SOX5: variants seen among roughly 807,000 people sequenced by gnomAD.
SOX5 encodes SRY-box transcription factor 5, also known as transcription factor SOX-5.
In SOX5, 9 loss-of-function variants were observed where a neutral mutation model predicts 92.0. The observed-to-expected ratio is 0.10, with a 90% CI of 0.06 to 0.17. SOX5 has a LOEUF of 0.17. Among genes scored for constraint, SOX5 ranks in the 10% least tolerant of loss-of-function variants. SOX5 has a pLI of 1.00. For missense variants in SOX5, 642 were observed against 944.5 expected, an observed-to-expected ratio of 0.68 and a Z score of 4.20; for synonymous variants, 344 against 336.3, an observed-to-expected ratio of 1.02 and a Z score of -0.25.
At chr12:24,389,911 C>T (rs1296618973) in intron 1 of SOX5, among the ~76,000 whole-genome samples, 2 of 152,124 alleles carry the variant, frequency 1.3e-5, no homozygotes, top group Non-Finnish European at 2.9e-5. Flanking sequence ...TTTATTGTAG[C>T]TATCCTAGTG....
At chr12:23,894,628 A>T (rs1333415010) in intron 2 of SOX5, among the ~76,000 whole-genome samples, 6 of 152,344 alleles carry the variant, frequency 3.9e-5, no homozygotes, top group Middle Eastern at 3.4e-3. Flanking sequence ...TAAATCTAAT[A>T]TGAAAATCAA....
chr12:24,091,109 C>A lies in SOX5; in HGVS notation c.-2+122234G>T, dbSNP rs534720826. On this transcript the variant is annotated intron_variant, in intron 4 of 4. Transcript: ENST00000446891. ...TTCTATGTTCGCCAATTCAAAAAAA[C>A]AAACTTGTTTTCTGACATTGCCTGA... Among the ~76,000 whole-genome samples, 45 of 152,276 alleles carry A rather than the reference C, an allele frequency of 3.0e-4. No individual in the cohort carries two copies. In the South Asian group the frequency reaches 5.0e-3, roughly 17 times the overall value.
chr12:24,539,341 AT>A (rs1470828485), intron 1 of SOX5, among the ~76,000 whole-genome samples: 1 of 152,172 alleles, frequency 6.6e-6, no homozygotes, highest in African/African-American at 2.4e-5. Context: ...AATAATTACT[AT>A]AAACACAAAT....
At chr12:23,840,626 C>T (rs1344151844) in intron 3 of SOX5, among the ~76,000 whole-genome samples, 2 of 151,978 alleles carry the variant, frequency 1.3e-5, no homozygotes, top group South Asian at 2.1e-4. Context: ...ACTGGCAAGA[C>T]GATAGACCAA....
intron 3 of SOX5, among the ~76,000 whole-genome samples, chr12:23,764,185 T>C (rs1305827308): frequency 5.9e-5 from 9 of 152,096 alleles, no homozygotes; most frequent in African/African-American, 9.6e-5. Flanking sequence ...AGTCAACTTA[T>C]AAAAATTAAA....
At chr12:24,484,516 C>T (rs1436267866) in intron 1 of SOX5, among the ~76,000 whole-genome samples, 1 of 152,088 alleles carries the variant, frequency 6.6e-6, no homozygotes, top group African/African-American at 2.4e-5. Flanking sequence ...CACCTTCAGA[C>T]CTTTGGACTA....
intron 9 of SOX5, among the ~76,000 whole-genome samples, chr12:23,587,867 C>T (rs1950965940): frequency 6.6e-6 from 1 of 152,038 alleles, no homozygotes; most frequent in African/African-American, 2.4e-5. Flanking sequence ...CTTTAGCCCA[C>T]TTACTGGCTC....
chr12:24,412,514 C>A (rs1045955503), intron 1 of SOX5, among the ~76,000 whole-genome samples: 1 of 151,788 alleles, frequency 6.6e-6, no homozygotes, highest in African/African-American at 2.4e-5. Context: ...TATTTATGTC[C>A]CTTGAGACTT....
chr12:23,973,142 A>C (rs1300029719), intron 4 of SOX5, among the ~76,000 whole-genome samples: 1 of 150,234 alleles, frequency 6.7e-6, no homozygotes, highest in Non-Finnish European at 1.5e-5. Flanking sequence ...CACAAATGAC[A>C]GAATTTCTAA....
intron 2 of SOX5, among the ~76,000 whole-genome samples, chr12:24,281,831 T>C (rs1945240627): frequency 1.3e-5 from 2 of 152,162 alleles, no homozygotes; most frequent in South Asian, 4.1e-4. Context: ...TAAAGTACTC[T>C]TGACACAGAA....
rs187806552 is a variant in SOX5 at position 23,946,120 on chromosome 12, A to C, written c.38+3444T>G. The stretch of plus-strand genomic sequence containing the variant: ...ATTTGATGGAAATGTGAAGTAAATA[A>C]GTTAATTTTTATTGCAGAAGGTTTT... On this transcript the variant is annotated intron_variant, in intron 1 of 14. Transcript: ENST00000451604. 5.6e-4 allele frequency among the ~76,000 whole-genome samples: 85 copies of C among 152,288 alleles called. 3 individuals are homozygous for C. Among genetic ancestry groups the C allele is most frequent in the Non-Finnish European group, 3.4e-4 (23 of 67,992 alleles).
At chr12:23,619,438 A>G (rs1592644306) in intron 8 of SOX5, among the ~76,000 whole-genome samples, 1 of 152,168 alleles carries the variant, frequency 6.6e-6, no homozygotes, top group Non-Finnish European at 1.5e-5. Flanking sequence ...TCATCTGTCC[A>G]AAGTTGCATA....
intron 1 of SOX5, among the ~76,000 whole-genome samples, chr12:24,407,189 A>G (rs1488329143): frequency 3.3e-5 from 5 of 152,188 alleles, no homozygotes; most frequent in African/African-American, 1.2e-4. Flanking sequence ...ATCTAGAAGA[A>G]ACTAAGAGAA....
intron 1 of SOX5, among the ~76,000 whole-genome samples, chr12:24,388,273 G>A (rs1030455319): frequency 1.3e-5 from 2 of 152,104 alleles, no homozygotes; most frequent in Admixed American, 6.5e-5. Flanking sequence ...ATGCAAGCTC[G>A]ACCCTTTGCC....
intron 4 of SOX5, among the ~76,000 whole-genome samples, chr12:24,172,095 G>A (rs535113682): frequency 2.9e-4 from 36 of 124,866 alleles, no homozygotes; most frequent in East Asian, 1.0e-3. Context: ...GTGTGTGTGC[G>A]TGCGCGCGTG....
chr12:23,952,670 A>G (rs1296047903), upstream of SOX5, among the ~76,000 whole-genome samples: 1 of 152,200 alleles, frequency 6.6e-6, no homozygotes, highest in African/African-American at 2.4e-5. Context: ...ATAGACGAGG[A>G]ACTAGACAGA....
intron 3 of SOX5, among the ~76,000 whole-genome samples, chr12:24,247,908 C>T (rs935250163): frequency 6.6e-6 from 1 of 152,080 alleles, no homozygotes; most frequent in African/African-American, 2.4e-5. Context: ...CCTGCCTCGG[C>T]CTCCCAAAGT....
chr12:23,953,285 T>C (rs10842242), upstream of SOX5, among the ~76,000 whole-genome samples: 5,580 of 152,190 alleles, frequency 0.037, 479 homozygotes, highest in East Asian at 0.27. Context: ...TAAAATACTG[T>C]TAATTGAATC....
intron 6 of SOX5, among the ~76,000 whole-genome samples, chr12:23,731,435 G>A (rs1223107064): frequency 6.6e-6 from 1 of 151,918 alleles, no homozygotes; most frequent in Non-Finnish European, 1.5e-5. Flanking sequence ...CTGTCATTTT[G>A]GGGAGCCCTG....
Sources: gnomAD v4.1 joint callset for allele counts (sites outside exome capture counted in the v4.1 genomes callset) on GRCh38, gnomAD v4.1.1 for gene constraint, MANE v1.5 for transcripts, NCBI Gene and HGNC (gene_info 2026-07-23, HGNC 2026-07-21) for gene names.